The following CSMD1 variants were observed in gnomAD, a reference collection of about 807,000 sequenced individuals.
CSMD1 encodes the protein CUB and Sushi multiple domains 1.
In CSMD1, 213 loss-of-function variants were observed where a neutral mutation model predicts 417.5. The observed-to-expected ratio is 0.51, with a 90% CI of 0.46 to 0.57. The LOEUF (loss-of-function observed/expected upper bound fraction) is 0.57. CSMD1 is among the 20% of genes least tolerant of loss of function. The pLI, the probability that CSMD1 is intolerant of heterozygous loss-of-function variation, is 0.00. For synonymous variants in CSMD1, 2,862 were observed against 1,736.8 expected, an observed-to-expected ratio of 1.65 and a Z score of -16.11; for missense variants, 6,923 against 4,529.7, an observed-to-expected ratio of 1.53 and a Z score of -15.17.
At chr8:4,530,964 A>G (rs998221240) in intron 2 of CSMD1, among the ~76,000 whole-genome samples, 6 of 152,054 alleles carry the variant, frequency 3.9e-5, no homozygotes, top group African/African-American at 1.5e-4. Flanking sequence ...TATCTGAGCC[A>G]TACCCTCCGG....
chr8:4,456,398 A>G (rs187610318), intron 2 of CSMD1, among the ~76,000 whole-genome samples: 3 of 152,336 alleles, frequency 2.0e-5, no homozygotes, highest in Non-Finnish European at 2.9e-5. Context: ...GGTATCAAAG[A>G]CAAGATATCG....
intron 7 of CSMD1, among the ~76,000 whole-genome samples, chr8:3,626,974 G>A (rs527248246): frequency 6.6e-6 from 1 of 151,574 alleles, no homozygotes; most frequent in African/African-American, 2.4e-5. Flanking sequence ...TTTAGTATTT[G>A]TTTACCATAG....
intron 20 of CSMD1, among the ~76,000 whole-genome samples, chr8:3,365,846 C>T (rs186355517): frequency 7.2e-5 from 11 of 152,214 alleles, no homozygotes; most frequent in Admixed American, 4.6e-4. Flanking sequence ...TGTCGATCCC[C>T]GCACAGTGGA....
chr8:4,982,826 C>A (rs189207262), intron 1 of CSMD1, among the ~76,000 whole-genome samples: 1 of 152,142 alleles, frequency 6.6e-6, no homozygotes, highest in Non-Finnish European at 1.5e-5. Context: ...AACACCCTGA[C>A]GACATGCCCC....
chr8:4,504,040 G>C (rs1260807727), intron 2 of CSMD1, among the ~76,000 whole-genome samples: 1 of 151,824 alleles, frequency 6.6e-6, no homozygotes, highest in African/African-American at 2.4e-5. Flanking sequence ...CATGTTCATT[G>C]CTGTGTAATT....
chr8:4,606,785 G>A (rs1478271), intron 2 of CSMD1, among the ~76,000 whole-genome samples: 63,867 of 151,950 alleles, frequency 0.42, 14,627 homozygotes, highest in African/African-American at 0.62. Context: ...TTGACATAAA[G>A]GGGAGTATCA....
Position 4,168,695 on chromosome 8 carries a change from T to C in CSMD1, c.416-136596A>G, listed in dbSNP as rs114861498. 7.8e-3 allele frequency among the ~76,000 whole-genome samples: 1,186 copies of C among 152,274 alleles called. 19 individuals are homozygous for C. Among genetic ancestry groups the C allele is most frequent in the African/African-American group, 0.028 (1,144 of 41,530 alleles). On this transcript the variant is annotated intron_variant, in intron 3 of 69. Coordinates refer to ENST00000635120, the MANE Select transcript of CSMD1 (RefSeq NM_033225.6). ...TTTTTTAAAAAATGCTGTTATTAAT[T>C]CTTTTTTAAAACACAAAAAAAGAAC...
intron 2 of CSMD1, among the ~76,000 whole-genome samples, chr8:4,448,676 A>T (rs1042205899): frequency 6.6e-6 from 1 of 152,180 alleles, no homozygotes; most frequent in African/African-American, 2.4e-5. Flanking sequence ...CTTTCTTCTC[A>T]GTAGGAAAGG....
intron 2 of CSMD1, among the ~76,000 whole-genome samples, chr8:4,516,171 G>C (rs1462546362): frequency 2.0e-5 from 3 of 151,984 alleles, no homozygotes; most frequent in South Asian, 4.1e-4. Context: ...AATATGACTG[G>C]TGCCTCCTAA....
At chr8:3,471,766 A>T (rs1224805919) in intron 11 of CSMD1, among the ~76,000 whole-genome samples, 1 of 152,004 alleles carries the variant, frequency 6.6e-6, no homozygotes, top group Non-Finnish European at 1.5e-5. Context: ...TATATAAAAG[A>T]AAAATATGTA....
chr8:3,875,682 G>A (rs1805767244), intron 5 of CSMD1, among the ~76,000 whole-genome samples: 2 of 152,200 alleles, frequency 1.3e-5, no homozygotes, highest in Admixed American at 1.3e-4. Context: ...GAGCAGCTCT[G>A]GCTGAGGTCT....
chr8:3,664,296 T>A (rs1157527054), intron 7 of CSMD1, among the ~76,000 whole-genome samples: 1 of 152,182 alleles, frequency 6.6e-6, no homozygotes, highest in Non-Finnish European at 1.5e-5. Context: ...TGGTTTTCTG[T>A]CCTTGCAACT....
chr8:4,980,689 G>C (rs1034930989), intron 1 of CSMD1, among the ~76,000 whole-genome samples: 6 of 152,250 alleles, frequency 3.9e-5, no homozygotes, highest in African/African-American at 1.2e-4. Flanking sequence ...GATCACTTGA[G>C]ATCAGGAGTC....
chr8:4,658,420 C>T (rs1399425215), intron 1 of CSMD1, among the ~76,000 whole-genome samples: 1 of 152,074 alleles, frequency 6.6e-6, no homozygotes, highest in East Asian at 1.9e-4. Flanking sequence ...ATTAAAAATT[C>T]CTGGAGGCCA....
At chr8:4,122,396 A>G (rs748123337) in intron 3 of CSMD1, among the ~76,000 whole-genome samples, 1 of 152,226 alleles carries the variant, frequency 6.6e-6, no homozygotes, top group Non-Finnish European at 1.5e-5. Flanking sequence ...CTGTACACCA[A>G]CATGATCCCA....
intron 1 of CSMD1, among the ~76,000 whole-genome samples, chr8:4,928,530 C>T (rs927536487): frequency 2.6e-5 from 4 of 152,164 alleles, no homozygotes; most frequent in Non-Finnish European, 4.4e-5. Context: ...ACTTCAGCTT[C>T]TTCTCTCTGA....
At chr8:4,488,013 G>A (rs1339772642) in intron 2 of CSMD1, among the ~76,000 whole-genome samples, 2 of 152,036 alleles carry the variant, frequency 1.3e-5, no homozygotes, top group Non-Finnish European at 2.9e-5. Flanking sequence ...TATGAGATGG[G>A]GCTTTCTGGA....
At chr8:2,963,924 T>A (rs186793765) in intron 59 of CSMD1, among the ~76,000 whole-genome samples, 6 of 152,324 alleles carry the variant, frequency 3.9e-5, no homozygotes, top group Admixed American at 1.3e-4. Flanking sequence ...CATTTGCAAG[T>A]GTTTCATCAC....
At chr8:3,604,552 C>T (rs1801518988) in intron 8 of CSMD1, among the ~76,000 whole-genome samples, 1 of 152,032 alleles carries the variant, frequency 6.6e-6, no homozygotes, top group Non-Finnish European at 1.5e-5. Flanking sequence ...TCAGTGTATG[C>T]ATCTGCTCTA....
Sources: gnomAD v4.1 joint callset for allele counts (sites outside exome capture counted in the v4.1 genomes callset) on GRCh38, gnomAD v4.1.1 for gene constraint, MANE v1.5 for transcripts, NCBI Gene and HGNC (gene_info 2026-07-23, HGNC 2026-07-21) for gene names.